Variants in ZNRF2 observed in about 807,000 individuals in gnomAD.
ZNRF2 encodes zinc and ring finger 2.
A neutral mutation model predicts 20.4 loss-of-function variants in ZNRF2; 16 were observed. That is an observed-to-expected ratio of 0.79 (90% CI 0.53 to 1.19). The LOEUF is 1.19. Among genes scored for constraint, ZNRF2 ranks in the 50% most tolerant of loss-of-function variants. The pLI is 0.00. For synonymous variants in ZNRF2, 178 were observed against 144.9 expected (o/e 1.23, Z -1.64); for missense variants, 363 against 332.4 (o/e 1.09, Z -0.72).
chr7:30,294,050 G>A (rs1384003232), intron 1 of ZNRF2, among the ~76,000 whole-genome samples: 5 of 151,842 alleles, frequency 3.3e-5, no homozygotes, highest in South Asian at 4.2e-4. Context: ...ACAGGGTCTC[G>A]CTATATTGCC....
intron 1 of ZNRF2, among the ~76,000 whole-genome samples, chr7:30,294,480 A>G (rs953123021): frequency 1.3e-5 from 2 of 152,068 alleles, no homozygotes; most frequent in Admixed American, 1.3e-4. Context: ...TTCTAGTGTT[A>G]ATTTAGAAAT....
At chr7:30,335,429 C>A (rs1356915662) in intron 2 of ZNRF2, among the ~76,000 whole-genome samples, 1 of 152,108 alleles carries the variant, frequency 6.6e-6, no homozygotes, top group African/African-American at 2.4e-5. Context: ...TTGGTGAAAT[C>A]TGATTTTAAA....
intron 1 of ZNRF2, among the ~76,000 whole-genome samples, chr7:30,295,221 A>G (rs557962367): frequency 5.3e-5 from 8 of 151,896 alleles, no homozygotes; most frequent in Admixed American, 2.0e-4. Flanking sequence ...ACCTTTCTCT[A>G]CCTCCAGCAG....
intron 3 of ZNRF2, among the ~76,000 whole-genome samples, chr7:30,359,921 C>G (rs568027544): frequency 7.9e-5 from 12 of 152,216 alleles, no homozygotes; most frequent in Non-Finnish European, 1.8e-4. Context: ...TTATCAAAAG[C>G]CTGTATATTA....
chr7:30,365,816 C>T (rs551326171), intron 4 of ZNRF2, among the ~76,000 whole-genome samples: 49 of 152,236 alleles, frequency 3.2e-4, no homozygotes, highest in Non-Finnish European at 1.5e-5. Flanking sequence ...TATTTTAAAT[C>T]TCCGTGTGTG....
intron 1 of ZNRF2, among the ~76,000 whole-genome samples, chr7:30,308,391 A>G (rs1219188427): frequency 6.6e-6 from 1 of 152,134 alleles, no homozygotes; most frequent in Non-Finnish European, 1.5e-5. Context: ...TCTGGTGCAT[A>G]TGTGCACAGA....
intron 1 of ZNRF2, among the ~76,000 whole-genome samples, chr7:30,287,752 C>T (rs1318764977): frequency 1.3e-5 from 2 of 151,396 alleles, no homozygotes; most frequent in African/African-American, 2.5e-5. Flanking sequence ...CTTTCTCACC[C>T]GGCTTTCTGG....
chr7:30,299,447 A>G (rs78882289), intron 1 of ZNRF2, among the ~76,000 whole-genome samples: 1 of 151,952 alleles, frequency 6.6e-6, no homozygotes, highest in Non-Finnish European at 1.5e-5. Flanking sequence ...CAGATGATGC[A>G]AAAAAAGTGA....
At position 30,285,846 on chromosome 7, in the gene ZNRF2, C is replaced by T; in HGVS notation, c.469+20C>T. On this transcript the variant is annotated intron_variant, in intron 1 of 4. Transcript: ENST00000323037. Reference sequence around the variant, plus strand: ...TTGGAGGTACGGACCCCTCTCCGCGCACCCGCGCTCGGTCCTCCCGCGGCT... The same window carrying T: ...TTGGAGGTACGGACCCCTCTCCGCGTACCCGCGCTCGGTCCTCCCGCGGCT... The T allele has an allele frequency of 6.8e-7, 1 of 1,466,474 alleles. No individual in the cohort carries two copies. Among genetic ancestry groups the T allele is most frequent in the Non-Finnish European group, 9.0e-7 (1 of 1,115,238 alleles). The allele number at this position is 1,466,474 out of a possible 1,614,324, so 90.8% of individuals were successfully genotyped here.
Position 30,361,465 on chromosome 7 carries a change from G to T in ZNRF2, c.672-912G>T, listed in dbSNP as rs1248291711. Reference sequence around the variant, plus strand: ...ATTAACCAAGTCTTGTAGCTTTGCGGCATATGCAAATTTGAAATATGTCAC... The same window carrying T: ...ATTAACCAAGTCTTGTAGCTTTGCGTCATATGCAAATTTGAAATATGTCAC... On this transcript the variant is annotated intron_variant, in intron 3 of 4. Coordinates refer to ENST00000323037, the MANE Select transcript of ZNRF2 (RefSeq NM_147128.4). Among the ~76,000 whole-genome samples, 3 of 152,276 alleles carry T rather than the reference G, an allele frequency of 2.0e-5. No individual in the cohort carries two copies. The East Asian group carries it at 5.8e-4, about 29-fold the overall frequency.
intron 1 of ZNRF2, among the ~76,000 whole-genome samples, chr7:30,305,403 A>C (rs1430886748): frequency 6.6e-6 from 1 of 152,142 alleles, no homozygotes. Context: ...GTTTTAAAAG[A>C]TATCTTAAGC....
At chr7:30,300,808 T>C (rs952366291) in intron 1 of ZNRF2, among the ~76,000 whole-genome samples, 5 of 152,270 alleles carry the variant, frequency 3.3e-5, no homozygotes, top group Admixed American at 2.6e-4. Flanking sequence ...TGTTTTGTTA[T>C]AGGCTGAATC....
rs190514119 is a variant in ZNRF2 at position 30,320,446 on chromosome 7, A to G, written c.470-3196A>G. On this transcript the variant is annotated intron_variant, in intron 1 of 4. Transcript: ENST00000323037. Reference sequence around the variant, plus strand: ...ACATGCATATCATATATATGTATACAGTTTTAAGAGTGCTTTACATAGATG... The same window carrying G: ...ACATGCATATCATATATATGTATACGGTTTTAAGAGTGCTTTACATAGATG... 1.2e-4 allele frequency among the ~76,000 whole-genome samples: 18 copies of G among 152,334 alleles called. No individual in the cohort carries two copies. The East Asian group carries it at 3.5e-3, about 29-fold the overall frequency.
intron 3 of ZNRF2, among the ~76,000 whole-genome samples, chr7:30,359,383 A>G (rs1221369490): frequency 6.6e-6 from 1 of 152,170 alleles, no homozygotes; most frequent in Non-Finnish European, 1.5e-5. Context: ...ATAATAAAAG[A>G]GGTTTGGTAT....
At position 30,284,887 on chromosome 7, in the gene ZNRF2, G is replaced by A. The variant is rs1166111098; in HGVS notation, c.-471G>A. ...GGAAGGTGGCCCCGGCGGAGTCTGGGCGGGCGCCTCCCACTCAGCCGCCAG... is the reference window on the plus strand; with the variant it reads ...GGAAGGTGGCCCCGGCGGAGTCTGGACGGGCGCCTCCCACTCAGCCGCCAG... On this transcript the variant is annotated 5_prime_UTR_variant, in exon 1 of 5. Coordinates refer to ENST00000323037, the MANE Select transcript of ZNRF2 (RefSeq NM_147128.4). The A allele has an allele frequency of 8.4e-6, 2 of 238,272 alleles. No homozygotes were observed. Among genetic ancestry groups the A allele is most frequent in the African/African-American group, 2.4e-5 (1 of 41,838 alleles). 14.8% of individuals were successfully genotyped at this position (238,272 alleles called of 1,614,324 possible).
At chr7:30,329,297 A>C (rs993996109) in intron 2 of ZNRF2, among the ~76,000 whole-genome samples, 1 of 152,198 alleles carries the variant, frequency 6.6e-6, no homozygotes, top group African/African-American at 2.4e-5. Flanking sequence ...GGTACATACC[A>C]GTTCTGCTTT....
Position 30,285,292 on chromosome 7 carries a change from G to A in ZNRF2, c.-66G>A. On this transcript the variant is annotated 5_prime_UTR_variant, in exon 1 of 5. Transcript: ENST00000323037. ...GCCTGGGCCCTGCCCTCTAGCTCCC[G>A]CGCTCGCTCCCGCCCTCCCGGCTCT... 9.6e-7 allele frequency: 1 copy of A among 1,040,290 alleles called. No individual in the cohort carries two copies. Among genetic ancestry groups the A allele is most frequent in the East Asian group, 7.4e-5 (1 of 13,552 alleles). 64.4% of individuals were successfully genotyped at this position (1,040,290 alleles called of 1,614,324 possible).
At chr7:30,309,296 CAG>C (rs1471293159) in intron 1 of ZNRF2, among the ~76,000 whole-genome samples, 2 of 151,976 alleles carry the variant, frequency 1.3e-5, no homozygotes, top group Admixed American at 6.6e-5. Flanking sequence ...TTTCAACAAT[CAG>C]AGTCAAATTT....
At chr7:30,352,600 A>G (rs763566328) in intron 2 of ZNRF2, among the ~76,000 whole-genome samples, 8 of 152,060 alleles carry the variant, frequency 5.3e-5, no homozygotes, top group Admixed American at 2.0e-4. Flanking sequence ...CCTGTTGACA[A>G]TCTCTTGTGT....
Sources: gnomAD v4.1 joint callset for allele counts (sites outside exome capture counted in the v4.1 genomes callset) on GRCh38, gnomAD v4.1.1 for gene constraint, MANE v1.5 for transcripts, NCBI Gene and HGNC (gene_info 2026-07-23, HGNC 2026-07-21) for gene names.